Variants in CNTN6 observed in about 807,000 individuals in gnomAD.
The protein encoded by CNTN6 is contactin 6.
Under a neutral mutation model 122.8 loss-of-function variants are expected in CNTN6, and 137 were observed. That is an observed-to-expected ratio of 1.12 (90% CI 0.97 to 1.29). The LOEUF (loss-of-function observed/expected upper bound fraction) is 1.29, where lower values mean the gene tolerates loss of function less well. Among genes scored for constraint, CNTN6 ranks in the 50% most tolerant of loss-of-function variants. The pLI is 0.00. For missense variants in CNTN6, 1,634 were observed against 1,223.4 expected (o/e 1.34, Z -5.01); for synonymous variants, 570 against 426.0 (o/e 1.34, Z -4.16).
chr3:1,402,256 C>T, intron 21 of CNTN6, 62 bp from the exon 22 acceptor site: 1 of 1,333,780 alleles, frequency 7.5e-7, no homozygotes, highest in South Asian at 1.3e-5. Context: ...TGTTCCAGAA[C>T]AGTTGTGTGA....
At chr3:1,104,554 T>A (rs1262489429) in intron 1 of CNTN6, among the ~76,000 whole-genome samples, 1 of 152,160 alleles carries the variant, frequency 6.6e-6, no homozygotes, top group African/African-American at 2.4e-5. Context: ...AATTATTGAA[T>A]AACCTTGGTA....
At chr3:1,322,883 T>G (rs2125978416) in intron 8 of CNTN6, among the ~76,000 whole-genome samples, 1 of 151,844 alleles carries the variant, frequency 6.6e-6, no homozygotes, top group South Asian at 2.1e-4. Context: ...AAACAATATT[T>G]TTTTTCAGTA....
chr3:1,131,578 G>C (rs80343595), intron 1 of CNTN6, among the ~76,000 whole-genome samples: 1 of 152,112 alleles, frequency 6.6e-6, no homozygotes, highest in Non-Finnish European at 1.5e-5. Flanking sequence ...ATGCAGGAAT[G>C]AATGGAGACT....
chr3:1,221,052 G>A (rs71309805), intron 3 of CNTN6, among the ~76,000 whole-genome samples: 15,829 of 151,984 alleles, frequency 0.1, 904 homozygotes, highest in Non-Finnish European at 0.12. Context: ...ACCAGCTCCA[G>A]GTAACCGTAC....
At chr3:1,315,685 C>G (rs1005316223) in intron 7 of CNTN6, among the ~76,000 whole-genome samples, 3 of 151,878 alleles carry the variant, frequency 2.0e-5, no homozygotes, top group African/African-American at 7.3e-5. Context: ...GCTTTCTTCC[C>G]TACTGAAATG....
chr3:1,265,760 C>A (rs1451579921), intron 4 of CNTN6, among the ~76,000 whole-genome samples: 2 of 152,160 alleles, frequency 1.3e-5, no homozygotes. Flanking sequence ...TATGCCATGT[C>A]CTCTGGAGCT....
intron 1 of CNTN6, among the ~76,000 whole-genome samples, chr3:1,115,248 A>G (rs1192043103): frequency 6.6e-6 from 1 of 152,178 alleles, no homozygotes; most frequent in Non-Finnish European, 1.5e-5. Context: ...AAGAAAGCCC[A>G]CAAGTCAACA....
At chr3:1,266,357 G>T (rs2094926307) in intron 4 of CNTN6, among the ~76,000 whole-genome samples, 1 of 152,096 alleles carries the variant, frequency 6.6e-6, no homozygotes, top group African/African-American at 2.4e-5. Context: ...AAAAATGTCA[G>T]TATTTACCAT....
chr3:1,355,195 C>T (rs1559906605), intron 12 of CNTN6, among the ~76,000 whole-genome samples: 1 of 151,558 alleles, frequency 6.6e-6, no homozygotes, highest in Non-Finnish European at 1.5e-5. Context: ...TTAACAAGAA[C>T]TATCCTATGC....
At chr3:1,275,794 C>G (rs1692234355) in intron 4 of CNTN6, among the ~76,000 whole-genome samples, 1 of 122,510 alleles carries the variant, frequency 8.2e-6, no homozygotes, top group Non-Finnish European at 2.0e-5. Context: ...AATGCCACTG[C>G]TGATCTAACA....
chr3:1,276,242 A>G (rs1236667893), intron 4 of CNTN6, among the ~76,000 whole-genome samples: 1 of 152,138 alleles, frequency 6.6e-6, no homozygotes, highest in African/African-American at 2.4e-5. Context: ...CAGGATGCTT[A>G]TATTAGTTTT....
intron 16 of CNTN6, among the ~76,000 whole-genome samples, chr3:1,375,348 A>G (rs1709706534): frequency 6.6e-6 from 1 of 152,056 alleles, no homozygotes; most frequent in Non-Finnish European, 1.5e-5. Context: ...GAGACTGGTG[A>G]TATTCATACC....
intron 4 of CNTN6, among the ~76,000 whole-genome samples, chr3:1,248,601 C>G (rs1325008572): frequency 6.6e-6 from 1 of 152,034 alleles, no homozygotes; most frequent in African/African-American, 2.4e-5. Flanking sequence ...GGGTGGATTG[C>G]GTGAGTTCAG....
chr3:1,294,537 CG>C (rs1695874981), intron 5 of CNTN6, among the ~76,000 whole-genome samples: 2 of 152,110 alleles, frequency 1.3e-5, no homozygotes, highest in Admixed American at 1.3e-4. Flanking sequence ...AGTGATTAAA[CG>C]GAACACAAGT....
At chr3:1,340,913 C>T (rs1461042088) in intron 11 of CNTN6, among the ~76,000 whole-genome samples, 2 of 151,996 alleles carry the variant, frequency 1.3e-5, no homozygotes, top group South Asian at 2.1e-4. Flanking sequence ...TGAGGGAAGC[C>T]GAGAACCTTA....
chr3:1,285,453 G>C lies in CNTN6; in HGVS notation c.454+6945G>C, dbSNP rs550540139. Among the ~76,000 whole-genome samples the C allele has an allele frequency of 9.9e-5, 15 of 152,166 alleles. No homozygotes were observed. In the South Asian group the frequency reaches 3.1e-3, roughly 32 times the overall value. On this transcript the variant is annotated intron_variant, in intron 5 of 22. Transcript: ENST00000446702. Reference sequence around the variant, plus strand: ...AGCAGGCAGCTGGATTATATGTTTAGGGCAAAAGCTCTGGTTTGAAGAGCT... The same window carrying C: ...AGCAGGCAGCTGGATTATATGTTTACGGCAAAAGCTCTGGTTTGAAGAGCT...
At chr3:1,126,833 C>T (rs896470344) in intron 1 of CNTN6, among the ~76,000 whole-genome samples, 4 of 151,836 alleles carry the variant, frequency 2.6e-5, no homozygotes, top group African/African-American at 9.7e-5. Context: ...CACCAAGGAA[C>T]TTCCTACATG....
At chr3:1,136,265 TACTCA>T (rs2092470240) in intron 1 of CNTN6, among the ~76,000 whole-genome samples, 1 of 152,150 alleles carries the variant, frequency 6.6e-6, no homozygotes. Context: ...TTCTAAGACT[TACTCA>T]AACTACATTG....
At chr3:1,184,548 G>T (rs1393565309) in intron 2 of CNTN6, among the ~76,000 whole-genome samples, 4 of 151,990 alleles carry the variant, frequency 2.6e-5, no homozygotes, top group Non-Finnish European at 5.9e-5. Context: ...TGAAGTTCAG[G>T]TATTTGTTTT....
Sources: gnomAD v4.1 joint callset for allele counts (sites outside exome capture counted in the v4.1 genomes callset) on GRCh38, gnomAD v4.1.1 for gene constraint, MANE v1.5 for transcripts, NCBI Gene and HGNC (gene_info 2026-07-23, HGNC 2026-07-21) for gene names.